Variants in RAPGEF5 observed in about 807,000 individuals in gnomAD.
RAPGEF5 encodes Rap guanine nucleotide exchange factor 5.
RAPGEF5 carries 65 observed loss-of-function variants against 125.2 expected under a neutral mutation model. The observed-to-expected ratio is 0.52, with a 90% CI of 0.43 to 0.64. RAPGEF5 has a LOEUF of 0.64. RAPGEF5 is among the 30% of genes least tolerant of loss of function. The probability of loss-of-function intolerance (pLI) is 0.00; values close to 1 mark genes in which losing one functional copy is unlikely to be tolerated. For missense variants in RAPGEF5, 958 were observed against 1,048.1 expected, an observed-to-expected ratio of 0.91 and a Z score of 1.19; for synonymous variants, 391 against 385.9, an observed-to-expected ratio of 1.01 and a Z score of -0.16.
At chr7:22,139,205 A>G (rs983308532) in intron 21 of RAPGEF5, among the ~76,000 whole-genome samples, 2 of 152,180 alleles carry the variant, frequency 1.3e-5, no homozygotes, top group African/African-American at 2.4e-5. Flanking sequence ...GATAGGAACT[A>G]AATCTGAGAG....
intron 9 of RAPGEF5, among the ~76,000 whole-genome samples, chr7:22,198,519 A>G (rs900123776): frequency 2.0e-5 from 3 of 152,214 alleles, no homozygotes; most frequent in African/African-American, 4.8e-5. Context: ...AAGATAATAT[A>G]AGTATTTTGT....
chr7:22,261,450 T>C (rs1015254577), intron 7 of RAPGEF5, among the ~76,000 whole-genome samples: 4 of 151,348 alleles, frequency 2.6e-5, no homozygotes, highest in Admixed American at 6.6e-5. Flanking sequence ...AATAAAAAAA[T>C]AAAAAAAATT....
intron 6 of RAPGEF5, among the ~76,000 whole-genome samples, chr7:22,278,489 G>T (rs949840670): frequency 2.0e-5 from 3 of 151,854 alleles, no homozygotes; most frequent in Non-Finnish European, 2.9e-5. Flanking sequence ...TTGAAATTCA[G>T]AAAATGAACA....
intron 24 of RAPGEF5, among the ~76,000 whole-genome samples, chr7:22,129,862 G>T (rs1310112247): frequency 6.6e-6 from 1 of 151,876 alleles, no homozygotes; most frequent in Admixed American, 6.5e-5. Context: ...GTTGTATAAG[G>T]GTTGTATAAG....
chr7:22,233,158 C>T (rs185494485), intron 7 of RAPGEF5, among the ~76,000 whole-genome samples: 1 of 152,282 alleles, frequency 6.6e-6, no homozygotes, highest in Non-Finnish European at 1.5e-5. Flanking sequence ...CTAAATTCCA[C>T]TTAAAAATGC....
chr7:22,301,969 G>A (rs937231644), intron 5 of RAPGEF5, among the ~76,000 whole-genome samples: 1 of 152,148 alleles, frequency 6.6e-6, no homozygotes, highest in African/African-American at 2.4e-5. Context: ...GTTAGTCGCT[G>A]AAGGCCTTAC....
In RAPGEF5 at chr7:22,219,909, T is replaced by G; in HGVS notation, c.953A>C (p.Gln318Pro). 2 of 1,613,498 alleles carry G rather than the reference T, an allele frequency of 1.2e-6. No individual in the cohort carries two copies. Among genetic ancestry groups the G allele is most frequent in the Non-Finnish European group, 1.7e-6 (2 of 1,179,552 alleles). Residue 318 changes from glutamine (Q) to proline (P), a missense_variant, in exon 9 of 26, where the codon CAG becomes CCG. Transcript: ENST00000665637. ...TTCTTTTTTGTCCGTCTGCAAAAAC[T>G]GATAGTTTTCTTTTGCCAGCTTCTG... ...LVQKLAKENY[Q>P]FLQTDKKEQE...
intron 7 of RAPGEF5, among the ~76,000 whole-genome samples, chr7:22,235,834 A>G (rs1025716437): frequency 2.0e-5 from 3 of 152,208 alleles, no homozygotes; most frequent in Admixed American, 1.3e-4. Context: ...TTTAGACACT[A>G]TACTCATTTT....
chr7:22,247,006 T>C (rs1444833210), intron 7 of RAPGEF5, among the ~76,000 whole-genome samples: 1 of 152,120 alleles, frequency 6.6e-6, no homozygotes, highest in Non-Finnish European at 1.5e-5. Flanking sequence ...ATCCAAGAAA[T>C]GTAAATCAAA....
At chr7:22,215,664 G>A (rs1367208505) in intron 9 of RAPGEF5, among the ~76,000 whole-genome samples, 1 of 152,230 alleles carries the variant, frequency 6.6e-6, no homozygotes, top group African/African-American at 2.4e-5. Flanking sequence ...TCAGATTACA[G>A]AGATCAGGAG....
At chr7:22,175,663 G>C (rs903562396) in intron 11 of RAPGEF5, among the ~76,000 whole-genome samples, 1 of 152,090 alleles carries the variant, frequency 6.6e-6, no homozygotes, top group Non-Finnish European at 1.5e-5. Flanking sequence ...TCACACACGT[G>C]TTCTAAACAT....
chr7:22,264,500 G>A (rs771207959), intron 7 of RAPGEF5, among the ~76,000 whole-genome samples: 2 of 152,286 alleles, frequency 1.3e-5, no homozygotes, highest in South Asian at 4.1e-4. Context: ...TGTGGGTCTT[G>A]CTTGCTCATC....
At chr7:22,145,413 T>C in intron 19 of RAPGEF5, 191 bp from the exon 20 acceptor site, 1 of 501,798 alleles carries the variant, frequency 2.0e-6, no homozygotes, top group Non-Finnish European at 3.4e-6. Context: ...TCAATAATGT[T>C]CACCTAGAAT....
At chr7:22,313,685 G>A (rs1362191376) in intron 3 of RAPGEF5, among the ~76,000 whole-genome samples, 1 of 152,184 alleles carries the variant, frequency 6.6e-6, no homozygotes, top group Non-Finnish European at 1.5e-5. Flanking sequence ...GAAAAAATGA[G>A]AATAATGATT....
intron 7 of RAPGEF5, among the ~76,000 whole-genome samples, chr7:22,257,425 T>G (rs1380659148): frequency 6.6e-6 from 1 of 152,224 alleles, no homozygotes; most frequent in African/African-American, 2.4e-5. Flanking sequence ...AGTCACTGAC[T>G]CATTAATGCA....
chr7:22,288,827 T>A (rs1006676754), intron 6 of RAPGEF5, among the ~76,000 whole-genome samples: 37 of 152,226 alleles, frequency 2.4e-4, no homozygotes, highest in African/African-American at 8.4e-4. Context: ...TAAACTAGGT[T>A]TTCAACAGCC....
chr7:22,250,838 T>A (rs1786600897), intron 7 of RAPGEF5, among the ~76,000 whole-genome samples: 1 of 152,154 alleles, frequency 6.6e-6, no homozygotes, highest in African/African-American at 2.4e-5. Flanking sequence ...GGACATGACC[T>A]CCAGCATGGT....
chr7:22,176,451 A>C (rs1174289780), intron 11 of RAPGEF5, among the ~76,000 whole-genome samples: 3 of 152,226 alleles, frequency 2.0e-5, no homozygotes, highest in African/African-American at 4.8e-5. Flanking sequence ...GCTAGGTTAT[A>C]TTAAAGATAA....
intron 1 of RAPGEF5, among the ~76,000 whole-genome samples, chr7:22,318,286 A>G (rs1783644085): frequency 6.6e-6 from 1 of 152,234 alleles, no homozygotes; most frequent in Admixed American, 6.5e-5. Flanking sequence ...GAAGTACAGT[A>G]GAAAGACTGG....
Sources: allele counts gnomAD v4.1 joint callset (sites outside exome capture counted in the v4.1 genomes callset), GRCh38; gene constraint gnomAD v4.1.1; transcripts MANE v1.5; gene names NCBI Gene and HGNC (gene_info 2026-07-23, HGNC 2026-07-21).